KCNIP4: variants seen among roughly 807,000 people sequenced by gnomAD.
The protein encoded by KCNIP4 is potassium voltage-gated channel interacting protein 4.
A neutral mutation model predicts 34.0 loss-of-function variants in KCNIP4; 12 were observed. That is an observed-to-expected ratio of 0.35 (90% CI 0.23 to 0.57). The LOEUF is 0.57. KCNIP4 is among the 20% of genes least tolerant of loss of function. The pLI is 0.83. For synonymous variants in KCNIP4, 124 were observed against 102.2 expected (o/e 1.21, Z -1.29); for missense variants, 238 against 311.7 (o/e 0.76, Z 1.78).
chr4:21,432,596 C>T (rs1726590556), intron 1 of KCNIP4, among the ~76,000 whole-genome samples: 1 of 151,974 alleles, frequency 6.6e-6, no homozygotes, highest in African/African-American at 2.4e-5. Context: ...AGACCAGTAC[C>T]AAAGGCGAAG....
Position 21,433,792 on chromosome 4 carries a change from C to G in KCNIP4, c.61+514779G>C, listed in dbSNP as rs527443612. Among the ~76,000 whole-genome samples, 17 of 152,324 alleles carry G rather than the reference C, an allele frequency of 1.1e-4. No homozygotes were observed. In the South Asian group the frequency reaches 3.5e-3, roughly 32 times the overall value. ...CTCTTTAGCTGGATATTTGCTAACA[C>G]TTGTCACACTTTCCCGATATTCTGC... is the stretch of plus-strand genomic sequence containing the variant. On this transcript the variant is annotated intron_variant, in intron 1 of 8. Coordinates refer to ENST00000382152, the MANE Select transcript of KCNIP4 (RefSeq NM_025221.6).
intron 1 of KCNIP4, among the ~76,000 whole-genome samples, chr4:21,351,279 G>T (rs188923222): frequency 6.6e-6 from 1 of 152,112 alleles, no homozygotes; most frequent in South Asian, 2.1e-4. Flanking sequence ...CCCACATGTC[G>T]TAGGAGGAAC....
chr4:21,611,591 T>C (rs948729528), intron 1 of KCNIP4, among the ~76,000 whole-genome samples: 1 of 152,184 alleles, frequency 6.6e-6, no homozygotes, highest in Non-Finnish European at 1.5e-5. Context: ...GACAAATATA[T>C]AGCCACCAAT....
chr4:21,299,305 G>A (rs1764023865), intron 1 of KCNIP4, among the ~76,000 whole-genome samples: 2 of 151,994 alleles, frequency 1.3e-5, no homozygotes, highest in Admixed American at 1.3e-4. Flanking sequence ...AATAATAAGT[G>A]AAGCTGTGAT....
chr4:21,317,197 G>T (rs1329054009), intron 1 of KCNIP4, among the ~76,000 whole-genome samples: 5 of 152,074 alleles, frequency 3.3e-5, no homozygotes, highest in Non-Finnish European at 7.4e-5. Context: ...TTTTACTATT[G>T]AGTTGGATTT....
intron 1 of KCNIP4, among the ~76,000 whole-genome samples, chr4:20,906,112 C>T (rs1173195728): frequency 2.9e-5 from 4 of 139,218 alleles, no homozygotes; most frequent in African/African-American, 7.9e-5. Context: ...CTTTTTCTCT[C>T]TTTCTCTTCC....
intron 1 of KCNIP4, among the ~76,000 whole-genome samples, chr4:21,830,597 C>A (rs1246356334): frequency 6.6e-6 from 1 of 152,068 alleles, no homozygotes; most frequent in Non-Finnish European, 1.5e-5. Context: ...CCTCTTGAAC[C>A]TGGAAGCCAG....
intron 5 of KCNIP4, among the ~76,000 whole-genome samples, chr4:20,735,989 T>G (rs1749542104): frequency 1.3e-5 from 2 of 152,224 alleles, no homozygotes. Context: ...TCCTTCCTTT[T>G]ATAGCTGTAT....
intron 1 of KCNIP4, among the ~76,000 whole-genome samples, chr4:21,441,293 C>G (rs1401862428): frequency 1.3e-5 from 2 of 151,992 alleles, no homozygotes; most frequent in Non-Finnish European, 2.9e-5. Flanking sequence ...AGGTGCCCAC[C>G]ACCACGCCCG....
chr4:20,805,366 TA>T (rs1371671257), intron 3 of KCNIP4, among the ~76,000 whole-genome samples: 3 of 151,968 alleles, frequency 2.0e-5, no homozygotes, highest in African/African-American at 7.3e-5. Flanking sequence ...CTGTTCCCTT[TA>T]ATACTCTTCT....
chr4:21,044,232 A>AC (rs1742226243), intron 1 of KCNIP4, among the ~76,000 whole-genome samples: 2 of 152,238 alleles, frequency 1.3e-5, no homozygotes, highest in East Asian at 3.9e-4. Context: ...ATTCTCCAGT[A>AC]GATTGTCCTA....
intron 1 of KCNIP4, among the ~76,000 whole-genome samples, chr4:21,373,527 C>T (rs1720689732): frequency 6.8e-6 from 1 of 146,358 alleles, no homozygotes; most frequent in African/African-American, 2.8e-5. Flanking sequence ...TTGGGGTTTC[C>T]TTTGGGAACC....
chr4:21,432,455 A>G (rs2109671775), intron 1 of KCNIP4, among the ~76,000 whole-genome samples: 1 of 152,168 alleles, frequency 6.6e-6, no homozygotes, highest in African/African-American at 2.4e-5. Context: ...TGGGGAAGAT[A>G]TGTGCTACAA....
chr4:21,913,883 C>T (rs1467780167), intron 1 of KCNIP4, among the ~76,000 whole-genome samples: 2 of 152,046 alleles, frequency 1.3e-5, no homozygotes, highest in African/African-American at 2.4e-5. Flanking sequence ...AGAGAAAACA[C>T]TTGAGCATAA....
intron 1 of KCNIP4, among the ~76,000 whole-genome samples, chr4:21,144,338 C>A (rs1752195679): frequency 6.6e-6 from 1 of 152,044 alleles, no homozygotes; most frequent in South Asian, 2.1e-4. Flanking sequence ...CATTATTTTA[C>A]CCTTTTATAA....
chr4:21,308,390 C>T (rs1712728619), intron 1 of KCNIP4, among the ~76,000 whole-genome samples: 1 of 152,200 alleles, frequency 6.6e-6, no homozygotes, highest in Non-Finnish European at 1.5e-5. Flanking sequence ...TAGAATCTTC[C>T]TTTCTAAATA....
At chr4:21,062,509 C>CAT (rs1553932859) in intron 1 of KCNIP4, among the ~76,000 whole-genome samples, 2 of 148,970 alleles carry the variant, frequency 1.3e-5, no homozygotes, top group Non-Finnish European at 3.0e-5. Context: ...CAGAACCAAT[C>CAT]ATATATGTAT....
intron 1 of KCNIP4, among the ~76,000 whole-genome samples, chr4:21,511,778 G>A (rs1460144908): frequency 6.6e-5 from 10 of 152,098 alleles, no homozygotes; most frequent in Admixed American, 6.6e-4. Context: ...AGAGTCCCGT[G>A]ATAACTTGTG....
At chr4:21,676,584 G>A (rs1345710155) in intron 1 of KCNIP4, among the ~76,000 whole-genome samples, 1 of 152,150 alleles carries the variant, frequency 6.6e-6, no homozygotes. Context: ...CTCATTCAAG[G>A]AACTTTGTAC....
Sources: allele counts gnomAD v4.1 joint callset (sites outside exome capture counted in the v4.1 genomes callset), GRCh38; gene constraint gnomAD v4.1.1; transcripts MANE v1.5; gene names NCBI Gene and HGNC (gene_info 2026-07-23, HGNC 2026-07-21).